The following PRRG1 variants were observed in gnomAD, a reference collection of about 807,000 sequenced individuals.
PRRG1 encodes transmembrane gamma-carboxyglutamic acid protein 1.
PRRG1 carries 5 observed loss-of-function variants against 11.8 expected under a neutral mutation model. The observed-to-expected ratio is 0.42, with a 90% CI of 0.22 to 0.89. PRRG1 has a LOEUF of 0.89. Among genes scored for constraint, PRRG1 ranks in the 40% least tolerant of loss-of-function variants. The probability of loss-of-function intolerance (pLI) is 0.28; values close to 1 mark genes in which losing one functional copy is unlikely to be tolerated. For synonymous variants in PRRG1, 66 were observed against 60.4 expected (o/e 1.09, Z -0.43); for missense variants, 155 against 166.1 (o/e 0.93, Z 0.37).
At chrX:37,374,534 G>A (rs1050649421) in intron 1 of PRRG1, among the ~76,000 whole-genome samples, 6 of 110,556 alleles carry the variant, frequency 5.4e-5, no homozygotes, top group African/African-American at 1.6e-4. Context: ...TACTAAATTC[G>A]CTTATGTATG....
intron 1 of PRRG1, among the ~76,000 whole-genome samples, chrX:37,361,660 T>C (rs183920921): frequency 1.6e-3 from 182 of 111,990 alleles, no homozygotes; most frequent in African/African-American, 5.8e-3. Context: ...GTGTCTGAGA[T>C]GTGTGTTGTT....
intron 1 of PRRG1, among the ~76,000 whole-genome samples, chrX:37,372,894 C>T (rs144427099): frequency 0.048 from 5,430 of 112,061 alleles, 302 homozygotes; most frequent in African/African-American, 0.16. Context: ...GGACCTTTTC[C>T]GTTATGTTTT....
intron 1 of PRRG1, among the ~76,000 whole-genome samples, chrX:37,391,181 T>C (rs998577773): frequency 1.8e-5 from 2 of 111,965 alleles, no homozygotes; most frequent in Admixed American, 9.5e-5. Flanking sequence ...ATGGGTAGGA[T>C]TGGAGGAGGA....
chrX:37,406,257 G>C lies in PRRG1; in HGVS notation c.8G>C (p.Arg3Thr). Residue 3 changes from arginine (R) to threonine (T), a missense_variant and splice_region_variant, in exon 2 of 4, where the codon AGG (arginine) becomes ACG (threonine). Transcript: ENST00000378628. MG[R>T]VFLTGEKANS... ...CAGAAACCACAAGAAAACATGGGGA[G>C]GGGTAAGTTTCTCTTCCTTTTTAAG... The C allele has an allele frequency of 1.7e-6, 2 of 1,204,673 alleles. No individual in the cohort carries two copies. Among genetic ancestry groups the C allele is most frequent in the Middle Eastern group, 4.6e-4 (2 of 4,346 alleles).
rs372285873 is a variant in PRRG1 at position 37,398,203 on chromosome X, C to T, written c.-41-8006C>T. ...AAGTGGGTCCCTGATCCCCGACCCC[C>T]GAGCAGCCTAACTGGGAGGCACCCC... On this transcript the variant is annotated intron_variant, in intron 1 of 3. Transcript: ENST00000378628. Among the ~76,000 whole-genome samples the T allele has an allele frequency of 1.5e-4, 17 of 111,661 alleles. 1 individual carries two copies. Among genetic ancestry groups the T allele is most frequent in the Admixed American group, 1.2e-3 (13 of 10,551 alleles).
At chrX:37,450,667 A>G (rs1035196353) in intron 3 of PRRG1, among the ~76,000 whole-genome samples, 1 of 112,182 alleles carries the variant, frequency 8.9e-6, no homozygotes, top group African/African-American at 3.2e-5. Context: ...AATCACATAT[A>G]TTTATTGGTA....
At chrX:37,382,208 A>C (rs782219459) in intron 1 of PRRG1, among the ~76,000 whole-genome samples, 136 of 111,603 alleles carry the variant, frequency 1.2e-3, no homozygotes, top group Admixed American at 2.9e-3. Context: ...CAATTTTTGT[A>C]GTTTATTTCA....
intron 3 of PRRG1, among the ~76,000 whole-genome samples, chrX:37,442,972 G>C (rs1933012392): frequency 8.9e-6 from 1 of 112,371 alleles, no homozygotes; most frequent in Admixed American, 9.4e-5. Context: ...GGTCAAATTT[G>C]TGATATGAAT....
At chrX:37,357,041 A>C (rs1412381588) in intron 1 of PRRG1, among the ~76,000 whole-genome samples, 3 of 111,831 alleles carry the variant, frequency 2.7e-5, no homozygotes, top group Non-Finnish European at 5.7e-5. Flanking sequence ...TCACTACCCC[A>C]AAAATTCTCT....
chrX:37,448,628 A>G (rs1921005019), intron 3 of PRRG1, among the ~76,000 whole-genome samples: 1 of 111,929 alleles, frequency 8.9e-6, no homozygotes, highest in Admixed American at 9.5e-5. Flanking sequence ...ACAGCATGCC[A>G]CCAACCTTTG....
At chrX:37,398,015 C>CAT (rs35703969) in intron 1 of PRRG1, among the ~76,000 whole-genome samples, 1 of 80,270 alleles carries the variant, frequency 1.2e-5, no homozygotes, top group Non-Finnish European at 2.3e-5. Context: ...CACACACACA[C>CAT]ATACACGCTG....
chrX:37,423,207 A>C (rs1428283710), intron 2 of PRRG1, among the ~76,000 whole-genome samples: 1 of 111,065 alleles, frequency 9.0e-6, no homozygotes, highest in African/African-American at 3.3e-5. Flanking sequence ...TTAATTAATT[A>C]ATTTTAATTT....
In PRRG1 at chrX:37,363,335, C is replaced by T. The variant is rs1025138545; in HGVS notation, c.-42+13940C>T. On this transcript the variant is annotated intron_variant, in intron 1 of 3. Transcript: ENST00000378628. ...TTCATACAGTAAGACTTTGTGTTTA[C>T]GAAGATAAAATATATATTGAGGATT... Among the ~76,000 whole-genome samples the T allele has an allele frequency of 5.4e-5, 6 of 111,381 alleles. No individual in the cohort carries two copies. The East Asian group carries it at 1.1e-3, about 21-fold the overall frequency.
chrX:37,445,318 C>T (rs2146633569), intron 3 of PRRG1, among the ~76,000 whole-genome samples: 1 of 112,050 alleles, frequency 8.9e-6, no homozygotes, highest in African/African-American at 3.2e-5. Flanking sequence ...CAAAGTTGGT[C>T]TGGACCAAAG....
intron 1 of PRRG1, among the ~76,000 whole-genome samples, chrX:37,390,208 A>G (rs1289546069): frequency 3.6e-5 from 4 of 111,360 alleles, no homozygotes; most frequent in Non-Finnish European, 5.7e-5. Context: ...AATCCCATTC[A>G]TGAGAATGGA....
At chrX:37,441,522 C>CA in intron 3 of PRRG1, 10 of 758,290 alleles carry the variant, frequency 1.3e-5, no homozygotes, top group Non-Finnish European at 1.6e-5. Flanking sequence ...AGGTGCCTGC[C>CA]ATGGCCACCA....
At chrX:37,352,961 C>G (rs1930120613) in intron 1 of PRRG1, among the ~76,000 whole-genome samples, 3 of 111,752 alleles carry the variant, frequency 2.7e-5, no homozygotes, top group Admixed American at 1.9e-4. Flanking sequence ...TAATAAATAA[C>G]TATGCTAATG....
intron 1 of PRRG1, among the ~76,000 whole-genome samples, chrX:37,394,160 A>G (rs1201138107): frequency 8.9e-6 from 1 of 112,502 alleles, no homozygotes; most frequent in Non-Finnish European, 1.9e-5. Context: ...AAATTGCCTT[A>G]TCATAATAGA....
At chrX:37,357,382 G>A (rs1342841771) in intron 1 of PRRG1, among the ~76,000 whole-genome samples, 1 of 111,840 alleles carries the variant, frequency 8.9e-6, no homozygotes, top group Non-Finnish European at 1.9e-5. Context: ...AGTATTTTAT[G>A]TGGACATAGA....
Sources: allele counts gnomAD v4.1 joint callset (sites outside exome capture counted in the v4.1 genomes callset), GRCh38; gene constraint gnomAD v4.1.1; transcripts MANE v1.5; gene names NCBI Gene and HGNC (gene_info 2026-07-23, HGNC 2026-07-21).